The following GRIP1 variants were observed in gnomAD, a reference collection of about 807,000 sequenced individuals.
GRIP1 encodes glutamate receptor-interacting protein 1.
A neutral mutation model predicts 129.9 loss-of-function variants in GRIP1; 45 were observed. The observed-to-expected ratio is 0.35, with a 90% confidence interval of 0.27 to 0.44. GRIP1 has a LOEUF of 0.44. GRIP1 is among the 20% of genes least tolerant of loss of function. The probability of loss-of-function intolerance (pLI) is 1.00; values close to 1 mark genes in which losing one functional copy is unlikely to be tolerated. For synonymous variants in GRIP1, 530 were observed against 520.8 expected, an observed-to-expected ratio of 1.02 and a Z score of -0.24; for missense variants, 1,196 against 1,396.8, an observed-to-expected ratio of 0.86 and a Z score of 2.29.
At chr12:66,978,651 A>G (rs1359559730) in intron 1 of GRIP1, among the ~76,000 whole-genome samples, 1 of 152,180 alleles carries the variant, frequency 6.6e-6, no homozygotes, top group Non-Finnish European at 1.5e-5. Flanking sequence ...TTTGTCCTAA[A>G]CATTAAAAGT....
At chr12:66,597,554 A>C (rs1200955507) in intron 1 of GRIP1, among the ~76,000 whole-genome samples, 3 of 152,198 alleles carry the variant, frequency 2.0e-5, no homozygotes, top group African/African-American at 7.2e-5. Flanking sequence ...GTTTGGCAAA[A>C]GAAGACATAT....
At chr12:66,428,243 C>G (rs760667997) in intron 14 of GRIP1, among the ~76,000 whole-genome samples, 28 of 152,154 alleles carry the variant, frequency 1.8e-4, no homozygotes, top group African/African-American at 6.3e-4. Context: ...CAACCATATA[C>G]ATCATACATG....
intron 7 of GRIP1, among the ~76,000 whole-genome samples, chr12:66,483,920 C>T (rs1016187982): frequency 2.6e-5 from 4 of 151,324 alleles, no homozygotes; most frequent in East Asian, 1.9e-4. Flanking sequence ...AGTGCAGTGG[C>T]GGGATCTCGG....
At chr12:67,068,447 C>T (rs1046069932) in intron 1 of GRIP1, among the ~76,000 whole-genome samples, 3 of 152,104 alleles carry the variant, frequency 2.0e-5, no homozygotes, top group African/African-American at 7.2e-5. Flanking sequence ...CAGCCCCAGA[C>T]CCTGATCGAG....
intron 1 of GRIP1, among the ~76,000 whole-genome samples, chr12:66,815,618 G>T (rs1303711349): frequency 1.3e-5 from 2 of 152,070 alleles, no homozygotes; most frequent in African/African-American, 4.8e-5. Flanking sequence ...AGAAAAATTA[G>T]CCAGGCTTTG....
intron 7 of GRIP1, among the ~76,000 whole-genome samples, chr12:66,500,970 G>A (rs536958104): frequency 1.3e-5 from 2 of 152,272 alleles, no homozygotes; most frequent in Non-Finnish European, 2.9e-5. Flanking sequence ...GTAAACCAGA[G>A]GGTCCTTACC....
rs1405353868 is a variant in GRIP1 at position 66,583,160 on chromosome 12, G to T, written c.136+13687C>A. Among the ~76,000 whole-genome samples, 6 of 151,630 alleles carry T rather than the reference G, an allele frequency of 4.0e-5. 1 individual carries two copies. On this transcript the variant is annotated intron_variant, in intron 2 of 24. Coordinates refer to ENST00000359742, the MANE Select transcript of GRIP1 (RefSeq NM_001366722.1). The stretch of plus-strand genomic sequence containing the variant: ...TGAGAAAAACAAGCAATGGCGAAAG[G>T]ATTCCCTATTTAATAAATGGTGCTG...
At chr12:66,423,581 G>A (rs369370798) in intron 14 of GRIP1, among the ~76,000 whole-genome samples, 34 of 152,250 alleles carry the variant, frequency 2.2e-4, no homozygotes, top group South Asian at 8.3e-4. Flanking sequence ...AGAACCATTC[G>A]TTTATTTAGT....
At chr12:66,900,575 C>A (rs377291468) in intron 1 of GRIP1, among the ~76,000 whole-genome samples, 2 of 152,188 alleles carry the variant, frequency 1.3e-5, no homozygotes, top group South Asian at 2.1e-4. Flanking sequence ...GGTCCAAAGT[C>A]ATCAGGAACT....
chr12:66,852,627 T>G (rs2137083918), intron 1 of GRIP1, among the ~76,000 whole-genome samples: 1 of 151,114 alleles, frequency 6.6e-6, no homozygotes, highest in Non-Finnish European at 1.5e-5. Flanking sequence ...TCAATTAAAA[T>G]AAATCTGGAT....
At chr12:66,545,984 G>A (rs2061935755) in intron 2 of GRIP1, among the ~76,000 whole-genome samples, 1 of 152,152 alleles carries the variant, frequency 6.6e-6, no homozygotes, top group Non-Finnish European at 1.5e-5. Context: ...TGCATGGACT[G>A]GGAGACTCAG....
At chr12:66,620,553 A>G (rs1186232819) in intron 1 of GRIP1, among the ~76,000 whole-genome samples, 4 of 152,194 alleles carry the variant, frequency 2.6e-5, no homozygotes, top group Non-Finnish European at 4.4e-5. Flanking sequence ...AGATGTTCAA[A>G]GAACAATAAA....
chr12:66,954,246 C>T (rs1019702915), intron 1 of GRIP1, among the ~76,000 whole-genome samples: 1 of 152,146 alleles, frequency 6.6e-6, no homozygotes, highest in African/African-American at 2.4e-5. Context: ...CTAAGAACAA[C>T]TTTGTAAATC....
At chr12:66,718,154 C>T (rs1033297955) in intron 1 of GRIP1, among the ~76,000 whole-genome samples, 21 of 152,128 alleles carry the variant, frequency 1.4e-4, no homozygotes, top group South Asian at 2.1e-4. Context: ...CACTCCTCCC[C>T]GGCTGCAATG....
chr12:66,854,523 T>C (rs1406807290), intron 1 of GRIP1, among the ~76,000 whole-genome samples: 1 of 152,016 alleles, frequency 6.6e-6, no homozygotes, highest in Non-Finnish European at 1.5e-5. Context: ...TAAGCAGCTA[T>C]TATATGCCAG....
chr12:66,432,122 T>C (rs977066838), intron 14 of GRIP1, among the ~76,000 whole-genome samples: 3 of 152,106 alleles, frequency 2.0e-5, no homozygotes, highest in African/African-American at 7.2e-5. Context: ...TAATAATATA[T>C]ATTATACGAT....
intron 1 of GRIP1, among the ~76,000 whole-genome samples, chr12:66,883,372 CA>C (rs1349783873): frequency 6.6e-6 from 1 of 152,018 alleles, no homozygotes; most frequent in Non-Finnish European, 1.5e-5. Context: ...CAGTACCCAT[CA>C]AAATACCCAA....
At position 66,517,923 on chromosome 12, in the gene GRIP1, G is replaced by A. The variant is rs1015140694; in HGVS notation, c.556C>T (p.Arg186Cys). The A allele has an allele frequency of 6.3e-7, 1 of 1,587,310 alleles. No homozygotes were observed. The highest frequency in any genetic ancestry group is 1.3e-5 in the African/African-American group (1 of 74,400). The change falls in exon 6 of 25, where the codon CGT (arginine) becomes TGT (cysteine). Residue 186 changes from arginine to cysteine, a missense_variant. Physicochemically the swap from Arg to Cys is radical, Grantham distance 180. Coordinates refer to ENST00000359742, the MANE Select transcript of GRIP1 (RefSeq NM_001366722.1). ...TACCTGTCAGCAGGCCCTCCAGGAC[G>A]AACACATGTTATCACAACTGGACGA... ...KSRPVVITCV[R>C]PGGPADREGT...
At chr12:67,019,325 A>T (rs2042832266) in intron 1 of GRIP1, among the ~76,000 whole-genome samples, 1 of 152,190 alleles carries the variant, frequency 6.6e-6, no homozygotes, top group South Asian at 2.1e-4. Flanking sequence ...TGGTGCCAAG[A>T]TGTAAATACG....
Sources: allele counts gnomAD v4.1 joint callset (sites outside exome capture counted in the v4.1 genomes callset), GRCh38; gene constraint gnomAD v4.1.1; transcripts MANE v1.5; gene names NCBI Gene and HGNC (gene_info 2026-07-23, HGNC 2026-07-21).